The following ADAMTS14 variants were observed in gnomAD, a reference collection of about 807,000 sequenced individuals.
ADAMTS14 encodes the protein ADAM metallopeptidase with thrombospondin type 1 motif 14.
In ADAMTS14, 100 loss-of-function variants were observed where a neutral mutation model predicts 128.6. The ratio of observed to expected loss-of-function variants is 0.78; its 90% CI spans 0.66 to 0.92. ADAMTS14 has a LOEUF of 0.92. Ranked by LOEUF, ADAMTS14 falls within the 40% of genes least tolerant of loss-of-function variation. The pLI is 0.00. For synonymous variants in ADAMTS14, 665 were observed against 653.8 expected, an observed-to-expected ratio of 1.02 and a Z score of -0.26; for missense variants, 1,562 against 1,658.6, an observed-to-expected ratio of 0.94 and a Z score of 1.01.
chr10:70,692,188 G>A (rs1840211288), intron 2 of ADAMTS14, among the ~76,000 whole-genome samples: 1 of 152,136 alleles, frequency 6.6e-6, no homozygotes, highest in Admixed American at 6.5e-5. Flanking sequence ...GGTAAGAATG[G>A]CTGCTGTTGC....
chr10:70,704,845 C>G (rs1255357533), intron 3 of ADAMTS14, among the ~76,000 whole-genome samples: 1 of 152,022 alleles, frequency 6.6e-6, no homozygotes, highest in East Asian at 1.9e-4. Context: ...GACGCAAACA[C>G]ACGCTTACAA....
intron 4 of ADAMTS14, among the ~76,000 whole-genome samples, chr10:70,713,324 T>G (rs1840919174): frequency 9.9e-6 from 1 of 100,920 alleles, no homozygotes; most frequent in African/African-American, 3.9e-5. Flanking sequence ...CTCTGTGGGA[T>G]GAGGTATTGG....
In ADAMTS14 at chr10:70,702,417, G is replaced by A; in HGVS notation, c.628G>A (p.Glu210Lys). 6.2e-7 allele frequency: 1 copy of A among 1,613,876 alleles called. No homozygotes were observed. Among genetic ancestry groups the A allele is most frequent in the South Asian group, 1.1e-5 (1 of 91,026 alleles). The part of the protein sequence containing the change: ...SGRTHVVYRR[E>K]AVQQEWAEPD... ...GAGGACACATGTGGTGTACCGCCGG[G>A]AGGCCGTCCAGCAGGAGTGGGCAGA... Residue 210 changes from glutamate (E) to lysine (K), a missense_variant, in exon 3 of 22, where the codon GAG becomes AAG. By Grantham distance (56) the Glu-to-Lys change is moderately conservative (BLOSUM62 1). Transcript: ENST00000373207.
Position 70,735,323 on chromosome 10 carries a change from G to A in ADAMTS14, c.1485+22G>A, listed in dbSNP as rs201655502. 12 of 1,612,236 alleles carry A rather than the reference G, an allele frequency of 7.4e-6. No individual in the cohort carries two copies. In the African/African-American group the frequency reaches 1.1e-4, roughly 14 times the overall value. On this transcript the variant is annotated intron_variant, in intron 9 of 21. Transcript: ENST00000373207. Reference sequence around the variant, plus strand: ...GGCAGTAAGTAGCCATCTGGCCTCTGCCAGGTGGTTGGGGGCCAGGGCAGT... The same window carrying A: ...GGCAGTAAGTAGCCATCTGGCCTCTACCAGGTGGTTGGGGGCCAGGGCAGT...
At chr10:70,692,954 T>A (rs969848906) in intron 2 of ADAMTS14, among the ~76,000 whole-genome samples, 1 of 152,166 alleles carries the variant, frequency 6.6e-6, no homozygotes, top group Admixed American at 6.5e-5. Context: ...TAAAGAAGAA[T>A]TTTAGTTGGC....
Position 70,708,616 on chromosome 10 carries a change from G to A in ADAMTS14, c.708G>A (p.Leu236=), listed in dbSNP as rs192266070. The change falls in exon 4 of 22, where the codon CTG becomes CTA. Residue 236 remains leucine, a synonymous_variant. Coordinates refer to ENST00000373207, the MANE Select transcript of ADAMTS14 (RefSeq NM_080722.4). ...EAFGLGDLPN[L]LGLVGDQLGD... is the part of the protein sequence containing the mutation. ...TTGGCCTGGGAGACCTTCCCAACCT[G>A]CTGGGCCTGGTGGGGGACCAGCTGG... 6.2e-7 allele frequency: 1 copy of A among 1,609,672 alleles called. No homozygotes were observed. The highest frequency in any genetic ancestry group is 1.7e-5 in the Admixed American group (1 of 59,894).
intron 15 of ADAMTS14, among the ~76,000 whole-genome samples, chr10:70,749,334 A>G (rs1048326378): frequency 1.3e-5 from 2 of 152,144 alleles, no homozygotes; most frequent in African/African-American, 4.8e-5. Context: ...GATCATTCCC[A>G]TTCTACAGAT....
intron 7 of ADAMTS14, 144 bp from the exon 8 acceptor site, chr10:70,733,741 A>G: frequency 9.8e-7 from 1 of 1,025,460 alleles, no homozygotes; most frequent in Non-Finnish European, 1.4e-6. Flanking sequence ...CCTCCCCACT[A>G]CGTGGTTGGA....
chr10:70,677,948 C>T (rs567858463), intron 2 of ADAMTS14, among the ~76,000 whole-genome samples: 2 of 152,336 alleles, frequency 1.3e-5, no homozygotes, highest in Admixed American at 1.3e-4. Context: ...TATTCTCTAA[C>T]ATCTCAAATG....
At chr10:70,743,892 C>A (rs571746862) in intron 13 of ADAMTS14, among the ~76,000 whole-genome samples, 174 bp from the exon 14 acceptor site, 29 of 152,170 alleles carry the variant, frequency 1.9e-4, no homozygotes, top group African/African-American at 6.5e-4. Flanking sequence ...CTCATCACGC[C>A]GGGTGTAAGA....
chr10:70,701,029 G>C (rs912148388), intron 2 of ADAMTS14, among the ~76,000 whole-genome samples: 1 of 152,234 alleles, frequency 6.6e-6, no homozygotes, highest in Non-Finnish European at 1.5e-5. Context: ...TTGGCCTCCT[G>C]ATTGGGCCTG....
chr10:70,704,323 C>T (rs1840583978), intron 3 of ADAMTS14, among the ~76,000 whole-genome samples: 1 of 151,992 alleles, frequency 6.6e-6, no homozygotes, highest in South Asian at 2.1e-4. Context: ...CTGAAAAGGG[C>T]ATGTGTGGGC....
At chr10:70,734,912 G>A (rs534128129) in intron 8 of ADAMTS14, among the ~76,000 whole-genome samples, 1 of 152,346 alleles carries the variant, frequency 6.6e-6, no homozygotes, top group South Asian at 2.1e-4. Flanking sequence ...TGCAAGCTGA[G>A]TATCTAATCC....
At chr10:70,702,201 G>A (rs779849023) in intron 2 of ADAMTS14, 111 bp from the exon 3 acceptor site, 25 of 1,471,820 alleles carry the variant, frequency 1.7e-5, no homozygotes, top group Non-Finnish European at 2.2e-5. Context: ...GGAAGAGCCT[G>A]CAAGCATGTA....
At chr10:70,718,528 C>T (rs952369631) in intron 4 of ADAMTS14, among the ~76,000 whole-genome samples, 1 of 151,826 alleles carries the variant, frequency 6.6e-6, no homozygotes, top group African/African-American at 2.4e-5. Flanking sequence ...GCTGGGGTTA[C>T]AGGCGTGCCA....
chr10:70,753,776 C>T (rs937899248), intron 18 of ADAMTS14, 24 bp from the exon 19 acceptor site: 5 of 1,535,428 alleles, frequency 3.3e-6, no homozygotes, highest in Admixed American at 2.0e-5. Flanking sequence ...GGTCTCACCT[C>T]CTCTCCTTTC....
At chr10:70,731,528 A>G (rs1841637366) in intron 6 of ADAMTS14, among the ~76,000 whole-genome samples, 2 of 152,146 alleles carry the variant, frequency 1.3e-5, no homozygotes, top group Admixed American at 6.5e-5. Context: ...GGCCTCATGC[A>G]TGGTAGTGCT....
chr10:70,679,944 G>T (rs1839754441), intron 2 of ADAMTS14, among the ~76,000 whole-genome samples: 1 of 152,180 alleles, frequency 6.6e-6, no homozygotes, highest in Non-Finnish European at 1.5e-5. Context: ...TACAGTGTGG[G>T]GTGGGGCGGG....
At chr10:70,724,737 C>T (rs1461847848) in intron 4 of ADAMTS14, among the ~76,000 whole-genome samples, 1 of 151,826 alleles carries the variant, frequency 6.6e-6, no homozygotes, top group African/African-American at 2.4e-5. Context: ...TACCAGGGCG[C>T]CAGAGGACTG....
Sources: gnomAD v4.1 joint callset for allele counts (sites outside exome capture counted in the v4.1 genomes callset) on GRCh38, gnomAD v4.1.1 for gene constraint, MANE v1.5 for transcripts, NCBI Gene and HGNC (gene_info 2026-07-23, HGNC 2026-07-21) for gene names.